The following RBM46 variants were observed in gnomAD, a reference collection of about 807,000 sequenced individuals.
RBM46 encodes probable RNA-binding protein 46.
A neutral mutation model predicts 43.3 loss-of-function variants in RBM46; 12 were observed. That is an observed-to-expected ratio of 0.28 (90% CI 0.18 to 0.45). The LOEUF is 0.45. Ranked by LOEUF, RBM46 falls within the 20% of genes least tolerant of loss-of-function variation. The probability of loss-of-function intolerance (pLI) is 1.00; values close to 1 mark genes in which losing one functional copy is unlikely to be tolerated. For synonymous variants in RBM46, 205 were observed against 207.6 expected, an observed-to-expected ratio of 0.99 and a Z score of 0.11; for missense variants, 412 against 639.1, an observed-to-expected ratio of 0.64 and a Z score of 3.83.
chr4:154,819,457 T>TA (rs1487775517), intron 4 of RBM46, among the ~76,000 whole-genome samples: 2 of 152,192 alleles, frequency 1.3e-5, no homozygotes, highest in Non-Finnish European at 2.9e-5. Flanking sequence ...GAGGTGCACA[T>TA]ACGTTTGGGT....
At chr4:154,787,569 A>G (rs1733843495) in intron 1 of RBM46, among the ~76,000 whole-genome samples, 1 of 151,918 alleles carries the variant, frequency 6.6e-6, no homozygotes, top group Non-Finnish European at 1.5e-5. Flanking sequence ...ACATTTTCTT[A>G]ATCCAGTCTA....
chr4:154,788,811 A>G (rs1340341199), intron 1 of RBM46, among the ~76,000 whole-genome samples: 5 of 152,198 alleles, frequency 3.3e-5, no homozygotes, highest in African/African-American at 1.2e-4. Context: ...CTTCCTATCC[A>G]TGAGCATGGA....
At chr4:154,794,951 A>C (rs1734278581) in intron 1 of RBM46, among the ~76,000 whole-genome samples, 1 of 151,908 alleles carries the variant, frequency 6.6e-6, no homozygotes, top group African/African-American at 2.4e-5. Flanking sequence ...CAAGGGAGAA[A>C]TTCTGGCCTT....
chr4:154,794,908 T>G (rs1461764656), intron 1 of RBM46, among the ~76,000 whole-genome samples: 1 of 152,018 alleles, frequency 6.6e-6, no homozygotes, highest in African/African-American at 2.4e-5. Context: ...TTTAATCATC[T>G]GTTATTTTTT....
chr4:154,827,995 A>G lies in RBM46; in HGVS notation c.1530A>G (p.Pro510=), dbSNP rs1350144401. The G allele has an allele frequency of 6.2e-7, 1 of 1,613,902 alleles. No homozygotes were observed. The highest frequency in any genetic ancestry group is 8.5e-7 in the Non-Finnish European group (1 of 1,179,930). The part of the protein sequence containing the change: ...PYSYPGYPLS[P]TISLANGSHV... Reference sequence around the variant, plus strand: ...CTTATCCAGGCTATCCTTTGTCACCAACAATATCACTTGCTAATGGCAGCC... The same window carrying G: ...CTTATCCAGGCTATCCTTTGTCACCGACAATATCACTTGCTAATGGCAGCC... The change falls in exon 5 of 5, where the codon CCA becomes CCG. Residue 510 remains proline, a synonymous_variant. Coordinates refer to ENST00000281722, the MANE Select transcript of RBM46 (RefSeq NM_144979.5).
At chr4:154,807,298 T>G (rs1734952988) in intron 4 of RBM46, among the ~76,000 whole-genome samples, 1 of 151,806 alleles carries the variant, frequency 6.6e-6, no homozygotes, top group Admixed American at 6.6e-5. Flanking sequence ...TAAAAGGAAA[T>G]TTAATGTTAC....
chr4:154,786,137 A>C, intron 1 of RBM46, among the ~76,000 whole-genome samples: 1 of 152,206 alleles, frequency 6.6e-6, no homozygotes, highest in East Asian at 1.9e-4. Context: ...CCCAGGCTGG[A>C]ATGCAGTGGC....
intron 1 of RBM46, among the ~76,000 whole-genome samples, chr4:154,789,669 C>T (rs1328936067): frequency 6.6e-6 from 1 of 152,138 alleles, no homozygotes. Context: ...GCTTTGGTAT[C>T]AGGATGATGC....
At chr4:154,789,291 A>T (rs924741286) in intron 1 of RBM46, among the ~76,000 whole-genome samples, 3 of 152,194 alleles carry the variant, frequency 2.0e-5, no homozygotes, top group Admixed American at 6.6e-5. Flanking sequence ...TCGCCCATTC[A>T]GTATGATACT....
rs751073076 is a variant in RBM46, at chr4:154,799,495, C to T, written c.1333C>T (p.Pro445Ser). 1 of 1,611,888 alleles carries T rather than the reference C, an allele frequency of 6.2e-7. No individual in the cohort carries two copies. Among genetic ancestry groups the T allele is most frequent in the Non-Finnish European group, 8.5e-7 (1 of 1,179,052 alleles). ...IANGSQSYFM[P>S]DKLCTTLEDA... Reference sequence around the variant, plus strand: ...AAATGGATCCCAGAGTTACTTCATGCCAGACAAACTCTGTACTACGTTAGA... The same window carrying T: ...AAATGGATCCCAGAGTTACTTCATGTCAGACAAACTCTGTACTACGTTAGA... Residue 445 changes from proline to serine, a missense_variant, in exon 4 of 5, where the codon CCA becomes TCA. Physicochemically the swap from Pro to Ser is moderately conservative, Grantham distance 74. Coordinates refer to ENST00000281722, the MANE Select transcript of RBM46 (RefSeq NM_144979.5).
intron 4 of RBM46, chr4:154,827,503 A>G: frequency 5.9e-6 from 6 of 1,012,304 alleles, no homozygotes; most frequent in Non-Finnish European, 7.1e-6. Context: ...ACTGTTTTTT[A>G]TCTTTTCTTC....
chr4:154,820,383 A>T (rs1735668519), intron 4 of RBM46: 1 of 1,526,232 alleles, frequency 6.6e-7, no homozygotes, highest in Non-Finnish European at 8.8e-7. Context: ...CAATCTCTTC[A>T]GCCTGGACCT....
chr4:154,823,843 A>T (rs1735831399), intron 4 of RBM46, among the ~76,000 whole-genome samples: 1 of 151,966 alleles, frequency 6.6e-6, no homozygotes, highest in South Asian at 2.1e-4. Flanking sequence ...CCTGTGTCAG[A>T]TGTGGCATAA....
At chr4:154,793,059 C>T (rs931751712) in intron 1 of RBM46, among the ~76,000 whole-genome samples, 5 of 152,170 alleles carry the variant, frequency 3.3e-5, no homozygotes, top group South Asian at 2.1e-4. Context: ...TTTTTATATT[C>T]CTACACAGCC....
chr4:154,796,447 C>T (rs1053345074), intron 1 of RBM46, among the ~76,000 whole-genome samples: 3 of 152,114 alleles, frequency 2.0e-5, no homozygotes, highest in Admixed American at 6.5e-5. Flanking sequence ...TTTTTCTTCT[C>T]TTTCACTTAA....
chr4:154,808,521 A>G (rs906582233), intron 4 of RBM46, among the ~76,000 whole-genome samples: 1 of 152,030 alleles, frequency 6.6e-6, no homozygotes, highest in Non-Finnish European at 1.5e-5. Context: ...TATGGGGTAA[A>G]TGAATATCCA....
chr4:154,801,694 ATTAGT>A (rs1734647048), intron 4 of RBM46, among the ~76,000 whole-genome samples: 1 of 152,194 alleles, frequency 6.6e-6, no homozygotes, highest in South Asian at 2.1e-4. Context: ...ACATAGCCAT[ATTAGT>A]TTAATTTATG....
At chr4:154,784,998 GTTAAA>G (rs1317673565) in intron 1 of RBM46, among the ~76,000 whole-genome samples, 2 of 152,088 alleles carry the variant, frequency 1.3e-5, no homozygotes, top group Admixed American at 1.3e-4. Flanking sequence ...ATAAACTTTT[GTTAAA>G]TTAATATGTT....
At chr4:154,824,349 G>C (rs1005098889) in intron 4 of RBM46, among the ~76,000 whole-genome samples, 9 of 152,096 alleles carry the variant, frequency 5.9e-5, no homozygotes, top group African/African-American at 2.2e-4. Context: ...CCCATTCCCA[G>C]GTATTGCCCC....
Sources: allele counts gnomAD v4.1 joint callset (sites outside exome capture counted in the v4.1 genomes callset), GRCh38; gene constraint gnomAD v4.1.1; transcripts MANE v1.5; gene names NCBI Gene and HGNC (gene_info 2026-07-23, HGNC 2026-07-21).